RCAN2: variants seen among roughly 807,000 people sequenced by gnomAD.
RCAN2 encodes the protein regulator of calcineurin 2, also known as calcipressin-2.
RCAN2 carries 9 observed loss-of-function variants against 23.6 expected under a neutral mutation model. That is an observed-to-expected ratio of 0.38 (90% confidence interval 0.23 to 0.67). The LOEUF (loss-of-function observed/expected upper bound fraction) is 0.67. Among genes scored for constraint, RCAN2 ranks in the 30% least tolerant of loss-of-function variants. RCAN2 has a pLI of 0.51. For synonymous variants in RCAN2, 109 were observed against 115.7 expected, an observed-to-expected ratio of 0.94 and a Z score of 0.37; for missense variants, 273 against 302.3, an observed-to-expected ratio of 0.90 and a Z score of 0.72.
chr6:46,390,387 T>C (rs1176092401), intron 2 of RCAN2, among the ~76,000 whole-genome samples: 4 of 152,208 alleles, frequency 2.6e-5, no homozygotes, highest in Non-Finnish European at 4.4e-5. Context: ...CTCACTGCAT[T>C]TGTGGTCTCT....
intron 2 of RCAN2, among the ~76,000 whole-genome samples, chr6:46,304,475 T>C (rs1387688790): frequency 6.6e-6 from 1 of 152,180 alleles, no homozygotes; most frequent in Admixed American, 6.5e-5. Context: ...AATTTTTGTG[T>C]CTTATTTAAG....
At chr6:46,481,972 A>T in intron 1 of RCAN2, among the ~76,000 whole-genome samples, 1 of 148,278 alleles carries the variant, frequency 6.7e-6, no homozygotes, top group East Asian at 2.0e-4. Context: ...ATATCTCAAT[A>T]GGAAAAAATC....
rs139194785 is a variant in RCAN2, at chr6:46,287,366, C to T, written c.226-38470G>A. The stretch of plus-strand genomic sequence containing the variant: ...CACTTACGTAGCCCAGTTCTGGACA[C>T]TGTGCTGGGCACTTTGTGAAGGAAG... On this transcript the variant is annotated intron_variant, in intron 2 of 4. Coordinates refer to ENST00000371374, the MANE Select transcript of RCAN2 (RefSeq NM_001251974.2). Among the ~76,000 whole-genome samples, 343 of 152,372 alleles carry T rather than the reference C, an allele frequency of 2.3e-3. 1 individual carries two copies. In the Middle Eastern group the frequency reaches 0.048, roughly 21 times the overall value.
intron 2 of RCAN2, among the ~76,000 whole-genome samples, chr6:46,431,268 C>A (rs1767195383): frequency 6.6e-6 from 1 of 152,044 alleles, no homozygotes; most frequent in South Asian, 2.1e-4. Flanking sequence ...TGCAGTGGCA[C>A]AATCACGGCT....
At chr6:46,419,677 T>A (rs1355011950) in intron 2 of RCAN2, among the ~76,000 whole-genome samples, 2 of 152,188 alleles carry the variant, frequency 1.3e-5, no homozygotes, top group Non-Finnish European at 1.5e-5. Context: ...GAAAATCATA[T>A]CTCATGGAAC....
chr6:46,443,507 C>A (rs1008654661), intron 2 of RCAN2, among the ~76,000 whole-genome samples: 1 of 151,856 alleles, frequency 6.6e-6, no homozygotes, highest in African/African-American at 2.4e-5. Flanking sequence ...TTATTTATTG[C>A]TTTTATTGCT....
chr6:46,484,966 T>C (rs1768958643), intron 1 of RCAN2, among the ~76,000 whole-genome samples: 1 of 152,220 alleles, frequency 6.6e-6, no homozygotes, highest in Non-Finnish European at 1.5e-5. Context: ...TGTATTCTCC[T>C]GCATTGCTTG....
At chr6:46,443,323 A>G (rs562919877) in intron 2 of RCAN2, among the ~76,000 whole-genome samples, 1 of 152,302 alleles carries the variant, frequency 6.6e-6, no homozygotes, top group African/African-American at 2.4e-5. Flanking sequence ...TACTTAAACC[A>G]TAGTGAATTA....
At chr6:46,468,884 T>A (rs1259256577) in intron 1 of RCAN2, 1 of 981,682 alleles carries the variant, frequency 1.0e-6, no homozygotes. Flanking sequence ...TCCGGAAGGC[T>A]GAGTGTTTTC....
In RCAN2 at chr6:46,490,999, CTG is replaced by C. The variant is rs1561926296; in HGVS notation, c.-3+172_-3+173del. ...CTGGAGACAAACCCCACCCCCGCCA[CTG>C]CCCCCACCCCCGCCACCGCCCCCGC... On this transcript the variant is annotated intron_variant, in intron 1 of 4. Transcript: ENST00000371374. 1.6e-3 allele frequency among the ~76,000 whole-genome samples: 203 copies of C among 129,824 alleles called. 2 individuals carry two copies. The highest frequency in any genetic ancestry group is 0.011 in the Admixed American group (149 of 13,244). 85.2% of individuals were successfully genotyped at this position (129,824 alleles called of 152,430 possible). A position where few individuals can be genotyped will look rare whatever the true frequency, so the allele number is the denominator to read the frequency against.
intron 2 of RCAN2, among the ~76,000 whole-genome samples, chr6:46,447,959 C>A (rs1767763396): frequency 6.6e-6 from 1 of 150,620 alleles, no homozygotes. Flanking sequence ...CAAACTAAGC[C>A]CAAAGTTAGT....
intron 2 of RCAN2, among the ~76,000 whole-genome samples, chr6:46,307,094 C>T (rs1582088288): frequency 6.6e-6 from 1 of 152,014 alleles, no homozygotes; most frequent in African/African-American, 2.4e-5. Context: ...TTGTGTCTAC[C>T]CCTGTGGTTC....
intron 2 of RCAN2, among the ~76,000 whole-genome samples, chr6:46,260,486 A>G (rs1367831434): frequency 6.6e-6 from 1 of 152,110 alleles, no homozygotes; most frequent in African/African-American, 2.4e-5. Flanking sequence ...GGAGCAAGTG[A>G]GGGGATTGCT....
chr6:46,368,506 G>A (rs150651070), intron 2 of RCAN2, among the ~76,000 whole-genome samples: 86 of 152,288 alleles, frequency 5.6e-4, no homozygotes, highest in African/African-American at 1.9e-3. Context: ...GCATCATAGA[G>A]TGTACTTACA....
intron 2 of RCAN2, among the ~76,000 whole-genome samples, chr6:46,399,653 G>C (rs571603722): frequency 6.6e-6 from 1 of 151,798 alleles, no homozygotes; most frequent in East Asian, 2.0e-4. Flanking sequence ...CCTGCTGGTG[G>C]CTGCCAGCAA....
At chr6:46,393,297 T>C (rs1323948874) in intron 2 of RCAN2, among the ~76,000 whole-genome samples, 4 of 152,228 alleles carry the variant, frequency 2.6e-5, no homozygotes, top group Non-Finnish European at 4.4e-5. Flanking sequence ...GGGCAAATTA[T>C]GTAACTTCCA....
At chr6:46,452,964 T>C (rs9472751) in intron 2 of RCAN2, among the ~76,000 whole-genome samples, 75,868 of 151,986 alleles carry the variant, frequency 0.5, 19,403 homozygotes, top group East Asian at 0.61. Context: ...CTTTCAGGTT[T>C]CTTCTTATTC....
intron 2 of RCAN2, among the ~76,000 whole-genome samples, chr6:46,328,431 G>A (rs572608696): frequency 6.6e-6 from 1 of 152,300 alleles, no homozygotes; most frequent in African/African-American, 2.4e-5. Context: ...ATCAAGAGCA[G>A]ATGATTTGTG....
chr6:46,376,932 G>A (rs1049099654), intron 2 of RCAN2, among the ~76,000 whole-genome samples: 3 of 151,810 alleles, frequency 2.0e-5, no homozygotes, highest in African/African-American at 7.3e-5. Flanking sequence ...TGTAGATAGG[G>A]CATTTGGTGA....
Sources: gnomAD v4.1 joint callset for allele counts (sites outside exome capture counted in the v4.1 genomes callset) on GRCh38, gnomAD v4.1.1 for gene constraint, MANE v1.5 for transcripts, NCBI Gene and HGNC (gene_info 2026-07-23, HGNC 2026-07-21) for gene names.